Variants in CDYL2 observed in about 807,000 individuals in gnomAD.
CDYL2 encodes chromodomain Y-like protein 2.
In CDYL2, 23 loss-of-function variants were observed where a neutral mutation model predicts 49.4. The ratio of observed to expected loss-of-function variants is 0.47; its 90% CI spans 0.34 to 0.66. The LOEUF is 0.66. Ranked by LOEUF, CDYL2 falls within the 30% of genes least tolerant of loss-of-function variation. The pLI, the probability that CDYL2 is intolerant of heterozygous loss-of-function variation, is 0.01. For missense variants in CDYL2, 678 were observed against 656.4 expected, an observed-to-expected ratio of 1.03 and a Z score of -0.36; for synonymous variants, 360 against 268.8, an observed-to-expected ratio of 1.34 and a Z score of -3.32.
intron 4 of CDYL2, among the ~76,000 whole-genome samples, chr16:80,615,360 A>G (rs4315348): frequency 0.076 from 11,532 of 152,190 alleles, 686 homozygotes; most frequent in African/African-American, 0.17. Context: ...TTTGTCAAAC[A>G]TCCCATTCCT....
At chr16:80,709,200 G>A (rs1904506092) in intron 1 of CDYL2, among the ~76,000 whole-genome samples, 3 of 152,120 alleles carry the variant, frequency 2.0e-5, no homozygotes. Context: ...TGGCCAACAT[G>A]GCGAAACCCC....
chr16:80,724,707 A>G (rs1905110294), intron 1 of CDYL2, among the ~76,000 whole-genome samples: 1 of 152,216 alleles, frequency 6.6e-6, no homozygotes, highest in South Asian at 2.1e-4. Context: ...TTCTTTCTAT[A>G]GTTCACAGTC....
chr16:80,703,275 G>C (rs1904313466), intron 1 of CDYL2, among the ~76,000 whole-genome samples: 1 of 152,154 alleles, frequency 6.6e-6, no homozygotes, highest in South Asian at 2.1e-4. Context: ...TATGTGAATA[G>C]CATTATATTT....
intron 4 of CDYL2, among the ~76,000 whole-genome samples, chr16:80,619,596 T>C (rs953213029): frequency 2.0e-5 from 3 of 152,118 alleles, no homozygotes; most frequent in Non-Finnish European, 2.9e-5. Context: ...CTTTGATACA[T>C]GGAAAGGCAG....
intron 6 of CDYL2, among the ~76,000 whole-genome samples, chr16:80,607,186 G>A (rs753707556): frequency 1.4e-4 from 22 of 152,168 alleles, no homozygotes; most frequent in East Asian, 3.9e-4. Flanking sequence ...ACCCCCCACC[G>A]TCACCCTCAC....
At position 80,767,535 on chromosome 16, in the gene CDYL2, G is replaced by A. The variant is rs557437942; in HGVS notation, c.24+36615C>T. 2.0e-5 allele frequency among the ~76,000 whole-genome samples: 3 copies of A among 152,284 alleles called. No homozygotes were observed. The East Asian group carries it at 5.8e-4, about 29-fold the overall frequency. ...AATGATCTAAATAAGGGGCCATCAGGTGGTCATAAAATATGAGCACCTAAT... is the reference window on the plus strand; with the variant it reads ...AATGATCTAAATAAGGGGCCATCAGATGGTCATAAAATATGAGCACCTAAT... On this transcript the variant is annotated intron_variant, in intron 1 of 6. Transcript: ENST00000570137.
intron 2 of CDYL2, among the ~76,000 whole-genome samples, chr16:80,637,188 T>TA (rs962581037): frequency 2.6e-4 from 39 of 148,582 alleles, no homozygotes; most frequent in South Asian, 1.7e-3. Flanking sequence ...TGTATACATT[T>TA]AAAAAAAAAT....
chr16:80,749,692 G>A (rs1856750208), intron 1 of CDYL2, among the ~76,000 whole-genome samples: 1 of 152,046 alleles, frequency 6.6e-6, no homozygotes, highest in Admixed American at 6.5e-5. Flanking sequence ...AGCTGAAGCT[G>A]AGTTCAGGGG....
intron 2 of CDYL2, among the ~76,000 whole-genome samples, chr16:80,681,605 C>G (rs1312638396): frequency 6.6e-6 from 1 of 152,188 alleles, no homozygotes; most frequent in Non-Finnish European, 1.5e-5. Flanking sequence ...CCCAGTTCCC[C>G]CAGACCTGGC....
intron 1 of CDYL2, among the ~76,000 whole-genome samples, chr16:80,699,041 G>C (rs901178938): frequency 6.6e-6 from 1 of 152,054 alleles, no homozygotes; most frequent in East Asian, 1.9e-4. Context: ...GGAGAAAAGA[G>C]AACTTTATAA....
At chr16:80,723,422 G>C (rs1431593698) in intron 1 of CDYL2, among the ~76,000 whole-genome samples, 2 of 152,122 alleles carry the variant, frequency 1.3e-5, no homozygotes, top group African/African-American at 4.8e-5. Context: ...GTGCAAGCTG[G>C]GATGTTTCTA....
At chr16:80,667,017 T>G (rs142170601) in intron 2 of CDYL2, among the ~76,000 whole-genome samples, 89 of 152,132 alleles carry the variant, frequency 5.9e-4, no homozygotes, top group African/African-American at 2.1e-3. Flanking sequence ...CAAACCGAGG[T>G]CAGTGCTGTC....
chr16:80,751,248 G>C (rs1042108381), intron 1 of CDYL2, among the ~76,000 whole-genome samples: 2 of 152,202 alleles, frequency 1.3e-5, no homozygotes, highest in African/African-American at 2.4e-5. Context: ...AAGAGGAGGA[G>C]AAAAGCTGGT....
chr16:80,664,875 C>T lies in CDYL2; in HGVS notation c.616+19663G>A, dbSNP rs190815914. ...CTCCCTGCTAGGATTAACTGAGGAACTGCCAGTGCTAGCAAGAGGGTTTGG... is the reference window on the plus strand; with the variant it reads ...CTCCCTGCTAGGATTAACTGAGGAATTGCCAGTGCTAGCAAGAGGGTTTGG... On this transcript the variant is annotated intron_variant, in intron 2 of 6. Transcript: ENST00000570137. 3.8e-3 allele frequency among the ~76,000 whole-genome samples: 579 copies of T among 152,304 alleles called. 3 individuals are homozygous for T. The highest frequency in any genetic ancestry group is 6.1e-3 in the Admixed American group (94 of 15,308).
At chr16:80,684,299 T>C (rs953393043) in intron 2 of CDYL2, among the ~76,000 whole-genome samples, 2 of 152,132 alleles carry the variant, frequency 1.3e-5, no homozygotes, top group African/African-American at 4.8e-5. Context: ...TTTGGACCCA[T>C]TCCAGACCTT....
At chr16:80,686,223 A>G (rs1347295743) in intron 1 of CDYL2, among the ~76,000 whole-genome samples, 1 of 152,242 alleles carries the variant, frequency 6.6e-6, no homozygotes, top group Non-Finnish European at 1.5e-5. Flanking sequence ...GTGGAAAAAT[A>G]CACTCGGAAA....
chr16:80,598,695 T>C lies in CDYL2; in HGVS notation c.*5693A>G, dbSNP rs1905946196. 1 of 152,106 alleles carries C rather than the reference T, an allele frequency of 6.6e-6. No homozygotes were observed. The allele number at this position is 152,106 out of a possible 1,614,324, so 9.4% of individuals were successfully genotyped here. On this transcript the variant is annotated 3_prime_UTR_variant, in exon 7 of 7. Transcript: ENST00000570137. ...TGGATACAGGCTTGGGACTACACAG[T>C]AGAAACACCAACCTGAGATAGTGAG...
At chr16:80,766,576 A>T (rs1906732643) in intron 1 of CDYL2, among the ~76,000 whole-genome samples, 2 of 152,170 alleles carry the variant, frequency 1.3e-5, no homozygotes. Context: ...ATCCCAATAC[A>T]ACCCAATGAG....
intron 3 of CDYL2, among the ~76,000 whole-genome samples, chr16:80,622,076 G>T (rs1034616646): frequency 6.6e-6 from 1 of 152,202 alleles, no homozygotes; most frequent in Non-Finnish European, 1.5e-5. Context: ...GTTAGAGGTG[G>T]ATTTGAGCCC....
Sources: allele counts gnomAD v4.1 joint callset (sites outside exome capture counted in the v4.1 genomes callset), GRCh38; gene constraint gnomAD v4.1.1; transcripts MANE v1.5; gene names NCBI Gene and HGNC (gene_info 2026-07-23, HGNC 2026-07-21).